The following ASAP1 variants were observed in gnomAD, a reference collection of about 807,000 sequenced individuals.
ASAP1 encodes the protein ArfGAP with SH3 domain, ankyrin repeat and PH domain 1, also known as arf-GAP with SH3 domain, ANK repeat and PH domain-containing protein 1.
Under a neutral mutation model 145.2 loss-of-function variants are expected in ASAP1, and 43 were observed. The ratio of observed to expected loss-of-function variants is 0.30; its 90% CI spans 0.23 to 0.38. The LOEUF (loss-of-function observed/expected upper bound fraction) is 0.38, where lower values mean the gene tolerates loss of function less well. Among genes scored for constraint, ASAP1 ranks in the 10% least tolerant of loss-of-function variants. The pLI, the probability that ASAP1 is intolerant of heterozygous loss-of-function variation, is 1.00. For synonymous variants in ASAP1, 546 were observed against 515.5 expected, an observed-to-expected ratio of 1.06 and a Z score of -0.80; for missense variants, 1,018 against 1,355.3, an observed-to-expected ratio of 0.75 and a Z score of 3.91.
intron 3 of ASAP1, among the ~76,000 whole-genome samples, chr8:130,305,975 A>G (rs979638203): frequency 1.3e-5 from 2 of 152,116 alleles, no homozygotes; most frequent in African/African-American, 4.8e-5. Flanking sequence ...TATTCACTCA[A>G]TGTCCCTTAC....
chr8:130,158,495 G>C (rs1041544694), intron 12 of ASAP1, among the ~76,000 whole-genome samples: 11 of 152,134 alleles, frequency 7.2e-5, no homozygotes, highest in Non-Finnish European at 1.5e-4. Flanking sequence ...CAGCCTGGAA[G>C]ACAGAGCAAG....
Position 130,072,824 on chromosome 8 carries a change from T to TGCGCGCGTGCGCGCGCGC in ASAP1, c.2701+3523_2701+3524insGCGCGCGCGCACGCGCGC, listed in dbSNP as rs71303498. ...GTGTGTGTGTGTGTGTGTGTGTGTG[T>TGCGCGCGTGCGCGCGCGC]GCGCGCGGGGGGGGGCAGTTTTGGG... On this transcript the variant is annotated intron_variant, in intron 27 of 29. Coordinates refer to ENST00000518721, the MANE Select transcript of ASAP1 (RefSeq NM_018482.4). Among the ~76,000 whole-genome samples the TGCGCGCGTGCGCGCGCGC allele has an allele frequency of 6.2e-5, 2 of 32,282 alleles. 1 individual carries two copies. The highest frequency in any genetic ancestry group is 2.4e-4 in the African/African-American group (2 of 8,176). The allele number at this position is 32,282 out of a possible 152,430, so 21.2% of individuals were successfully genotyped here. A position where few individuals can be genotyped will look rare whatever the true frequency, so the allele number is the denominator to read the frequency against.
chr8:130,162,601 G>A (rs2097671504), intron 11 of ASAP1, among the ~76,000 whole-genome samples: 1 of 152,094 alleles, frequency 6.6e-6, no homozygotes, highest in Non-Finnish European at 1.5e-5. Flanking sequence ...GGTGGATCAT[G>A]AGGTCAGGAG....
intron 5 of ASAP1, among the ~76,000 whole-genome samples, chr8:130,191,297 G>A (rs1379583525): frequency 6.6e-6 from 1 of 152,172 alleles, no homozygotes; most frequent in Admixed American, 6.5e-5. Flanking sequence ...GTAAAATCAA[G>A]TTTTAGTAGG....
intron 4 of ASAP1, among the ~76,000 whole-genome samples, chr8:130,215,540 G>A (rs970456372): frequency 9.9e-5 from 15 of 152,034 alleles, no homozygotes; most frequent in Non-Finnish European, 1.8e-4. Flanking sequence ...TCAGGAGATC[G>A]AGACCATCCT....
At chr8:130,090,793 G>C (rs2097503904) in intron 25 of ASAP1, among the ~76,000 whole-genome samples, 1 of 152,184 alleles carries the variant, frequency 6.6e-6, no homozygotes, top group African/African-American at 2.4e-5. Flanking sequence ...GCACACACAT[G>C]CTTGCACACA....
chr8:130,197,647 G>C (rs1815591165), intron 5 of ASAP1, among the ~76,000 whole-genome samples: 1 of 152,220 alleles, frequency 6.6e-6, no homozygotes, highest in African/African-American at 2.4e-5. Context: ...CACTACTGTA[G>C]GGCAAGTGCC....
chr8:130,108,757 GTTTTTTTTTTTTTTT>G (rs10568607), intron 24 of ASAP1, among the ~76,000 whole-genome samples: 111 of 51,562 alleles, frequency 2.2e-3, no homozygotes, highest in Admixed American at 3.5e-3. Flanking sequence ...TCAAAAACCA[GTTTTTTTTTTTTTTT>G]TTTTTTTTTT....
At chr8:130,081,049 T>A (rs2097478819) in intron 25 of ASAP1, among the ~76,000 whole-genome samples, 1 of 152,240 alleles carries the variant, frequency 6.6e-6, no homozygotes, top group African/African-American at 2.4e-5. Flanking sequence ...CCTGTGAGAC[T>A]TAAGACATAG....
At chr8:130,399,136 T>C (rs1828665118) in intron 2 of ASAP1, among the ~76,000 whole-genome samples, 1 of 152,190 alleles carries the variant, frequency 6.6e-6, no homozygotes, top group African/African-American at 2.4e-5. Context: ...CTCCTGCTGT[T>C]AGATGTGATG....
At chr8:130,360,481 C>T (rs376952376) in intron 2 of ASAP1, among the ~76,000 whole-genome samples, 2 of 152,318 alleles carry the variant, frequency 1.3e-5, no homozygotes, top group African/African-American at 4.8e-5. Flanking sequence ...ATTGGCTGTA[C>T]TGAACCTGCA....
chr8:130,224,354 C>T (rs34857454), intron 4 of ASAP1, among the ~76,000 whole-genome samples: 25,047 of 152,062 alleles, frequency 0.16, 2,342 homozygotes, highest in African/African-American at 0.24. Flanking sequence ...CTTTGTAGCA[C>T]TAATCACACT....
At chr8:130,414,759 C>T (rs1474561819) in intron 1 of ASAP1, among the ~76,000 whole-genome samples, 2 of 140,404 alleles carry the variant, frequency 1.4e-5, no homozygotes, top group Non-Finnish European at 3.1e-5. Context: ...TTCTATAACT[C>T]TTTTTTTTTT....
chr8:130,368,852 T>C (rs9694314), intron 2 of ASAP1, among the ~76,000 whole-genome samples: 25,419 of 152,208 alleles, frequency 0.17, 2,307 homozygotes, highest in Non-Finnish European at 0.21. Flanking sequence ...GTCCAACCCT[T>C]GGACTTCCTA....
chr8:130,171,081 A>G (rs1037168204), intron 9 of ASAP1, among the ~76,000 whole-genome samples: 2 of 152,138 alleles, frequency 1.3e-5, no homozygotes, highest in African/African-American at 2.4e-5. Flanking sequence ...AAAACTTCTC[A>G]GTATAGAATT....
At chr8:130,147,198 CAAAAAAAAAAA>C (rs559149769) in intron 13 of ASAP1, among the ~76,000 whole-genome samples, 4 of 63,338 alleles carry the variant, frequency 6.3e-5, no homozygotes, top group Non-Finnish European at 1.1e-4. Flanking sequence ...AATGCAGTCT[CAAAAAAAAAAA>C]AAAAAAAAAA....
chr8:130,296,220 C>T (rs1822262902), intron 3 of ASAP1, among the ~76,000 whole-genome samples: 1 of 152,216 alleles, frequency 6.6e-6, no homozygotes, highest in East Asian at 1.9e-4. Context: ...AGACAGTCCC[C>T]ACTCTGGGGA....
chr8:130,197,896 A>G (rs1815609113), intron 5 of ASAP1, among the ~76,000 whole-genome samples: 1 of 152,172 alleles, frequency 6.6e-6, no homozygotes, highest in Admixed American at 6.5e-5. Flanking sequence ...GTGTTAAGTG[A>G]AAATCCTATA....
At chr8:130,317,585 C>A (rs1823742774) in intron 3 of ASAP1, among the ~76,000 whole-genome samples, 1 of 152,220 alleles carries the variant, frequency 6.6e-6, no homozygotes, top group South Asian at 2.1e-4. Flanking sequence ...AAAGCCAAAT[C>A]CATCACTGAT....
Sources: gnomAD v4.1 joint callset for allele counts (sites outside exome capture counted in the v4.1 genomes callset) on GRCh38, gnomAD v4.1.1 for gene constraint, MANE v1.5 for transcripts, NCBI Gene and HGNC (gene_info 2026-07-23, HGNC 2026-07-21) for gene names.